Variants in NTRK3 observed in about 807,000 individuals in gnomAD.
NTRK3 encodes NT-3 growth factor receptor.
Under a neutral mutation model 91.7 loss-of-function variants are expected in NTRK3, and 24 were observed. The ratio of observed to expected loss-of-function variants is 0.26; its 90% CI spans 0.19 to 0.37. The LOEUF is 0.37. Among genes scored for constraint, NTRK3 ranks in the 10% least tolerant of loss-of-function variants. NTRK3 has a pLI of 1.00. For missense variants in NTRK3, 880 were observed against 1,068.9 expected (o/e 0.82, Z 2.46); for synonymous variants, 483 against 404.0 (o/e 1.20, Z -2.34).
intron 14 of NTRK3, among the ~76,000 whole-genome samples, chr15:88,020,666 G>A (rs1165660362): frequency 1.3e-5 from 2 of 152,116 alleles, no homozygotes. Flanking sequence ...TACCTGCCAA[G>A]GTGGTCACCT....
At chr15:87,990,424 G>A (rs2075196411) in intron 14 of NTRK3, among the ~76,000 whole-genome samples, 1 of 152,116 alleles carries the variant, frequency 6.6e-6, no homozygotes, top group African/African-American at 2.4e-5. Context: ...AACAATGAAT[G>A]TAACTCTGCA....
intron 13 of NTRK3, among the ~76,000 whole-genome samples, chr15:88,083,757 C>T (rs959173615): frequency 6.6e-6 from 1 of 152,134 alleles, no homozygotes; most frequent in African/African-American, 2.4e-5. Context: ...ATATGAGGAA[C>T]AATTCAATTA....
chr15:88,007,431 C>G (rs1157131166), intron 14 of NTRK3, among the ~76,000 whole-genome samples: 2 of 152,238 alleles, frequency 1.3e-5, no homozygotes, highest in East Asian at 1.9e-4. Flanking sequence ...GATAGGACAA[C>G]CTTTTTCACA....
intron 13 of NTRK3, among the ~76,000 whole-genome samples, chr15:88,110,624 G>A (rs1484355425): frequency 6.6e-6 from 1 of 152,178 alleles, no homozygotes. Flanking sequence ...TCTACTTGGA[G>A]AGGCAAAGCA....
intron 13 of NTRK3, among the ~76,000 whole-genome samples, chr15:88,117,031 C>T (rs2052171368): frequency 6.6e-6 from 1 of 152,184 alleles, no homozygotes; most frequent in Admixed American, 6.5e-5. Context: ...ACCATTGTTC[C>T]TCAACCTTAG....
At chr15:88,040,542 G>T (rs2079509445) in intron 13 of NTRK3, among the ~76,000 whole-genome samples, 1 of 152,234 alleles carries the variant, frequency 6.6e-6, no homozygotes, top group Non-Finnish European at 1.5e-5. Flanking sequence ...TCAGGGGAAA[G>T]ACTGCCTTGG....
chr15:88,219,503 C>T (rs1044447175), intron 3 of NTRK3, among the ~76,000 whole-genome samples: 1 of 152,248 alleles, frequency 6.6e-6, no homozygotes, highest in African/African-American at 2.4e-5. Flanking sequence ...TGGAACCAAG[C>T]AAAACCTTAG....
chr15:88,038,886 A>T (rs2079322359), intron 13 of NTRK3, among the ~76,000 whole-genome samples: 1 of 152,112 alleles, frequency 6.6e-6, no homozygotes, highest in South Asian at 2.1e-4. Flanking sequence ...CACTTGCCTC[A>T]GGGGAAAACT....
intron 13 of NTRK3, among the ~76,000 whole-genome samples, chr15:88,096,006 C>T (rs566273169): frequency 1.3e-5 from 2 of 152,256 alleles, no homozygotes; most frequent in South Asian, 4.2e-4. Flanking sequence ...ATTTGATTTT[C>T]TATCAAGGAA....
intron 13 of NTRK3, among the ~76,000 whole-genome samples, chr15:88,109,322 G>A (rs1205243398): frequency 1.3e-5 from 2 of 152,196 alleles, no homozygotes; most frequent in Non-Finnish European, 2.9e-5. Flanking sequence ...AGGAGGGAGA[G>A]AAGAGGGGAC....
intron 10 of NTRK3, 125 bp from the exon 11 acceptor site, chr15:88,128,859 A>T: frequency 1.2e-6 from 1 of 855,010 alleles, no homozygotes. Context: ...GGCAACTGAC[A>T]AACTAAAATG....
intron 5 of NTRK3, among the ~76,000 whole-genome samples, chr15:88,179,601 A>G (rs1383183251): frequency 6.6e-6 from 1 of 152,216 alleles, no homozygotes; most frequent in East Asian, 1.9e-4. Context: ...GACTGTGGCG[A>G]TCCAGTCTGT....
intron 5 of NTRK3, among the ~76,000 whole-genome samples, chr15:88,171,618 T>G (rs755628791): frequency 2.0e-5 from 3 of 152,188 alleles, no homozygotes; most frequent in Non-Finnish European, 2.9e-5. Flanking sequence ...AAAGGTGCTT[T>G]ATGTTCACTC....
intron 5 of NTRK3, among the ~76,000 whole-genome samples, chr15:88,154,110 C>CA (rs397736752): frequency 0.039 from 3,401 of 86,304 alleles, 180 homozygotes; most frequent in East Asian, 0.17. Context: ...ATAGACTTTG[C>CA]AAAAAAAAAA....
chr15:87,939,636 G>A (rs949315993), intron 15 of NTRK3, among the ~76,000 whole-genome samples: 4 of 152,138 alleles, frequency 2.6e-5, no homozygotes, highest in Non-Finnish European at 4.4e-5. Context: ...CCATTGTGAG[G>A]TCTGGGTGAA....
intron 13 of NTRK3, among the ~76,000 whole-genome samples, chr15:88,076,880 G>A (rs905946987): frequency 6.6e-6 from 1 of 152,032 alleles, no homozygotes; most frequent in African/African-American, 2.4e-5. Context: ...ATCACCTGAG[G>A]TCAGGAGTTT....
intron 5 of NTRK3, among the ~76,000 whole-genome samples, chr15:88,173,156 A>G (rs1385731241): frequency 6.6e-6 from 1 of 152,204 alleles, no homozygotes; most frequent in African/African-American, 2.4e-5. Flanking sequence ...CATGTGCCAT[A>G]GGGGCTGGGA....
At chr15:88,125,857 G>A (rs1213289532) in intron 13 of NTRK3, among the ~76,000 whole-genome samples, 2 of 152,200 alleles carry the variant, frequency 1.3e-5, no homozygotes, top group African/African-American at 4.8e-5. Context: ...CCTACATCTT[G>A]CTGTGCTGAC....
chr15:87,914,637 T>A (rs1050132926), intron 17 of NTRK3, among the ~76,000 whole-genome samples: 1 of 152,202 alleles, frequency 6.6e-6, no homozygotes, highest in Non-Finnish European at 1.5e-5. Flanking sequence ...AACTTATGCT[T>A]TATTGAGGTA....
Sources: gnomAD v4.1 joint callset for allele counts (sites outside exome capture counted in the v4.1 genomes callset) on GRCh38, gnomAD v4.1.1 for gene constraint, MANE v1.5 for transcripts, NCBI Gene and HGNC (gene_info 2026-07-23, HGNC 2026-07-21) for gene names.